Variants in SEMA3D observed in about 807,000 individuals in gnomAD.
SEMA3D encodes the protein semaphorin 3D.
Under a neutral mutation model 100.1 loss-of-function variants are expected in SEMA3D, and 84 were observed. The observed-to-expected ratio is 0.84, with a 90% CI of 0.70 to 1.01. SEMA3D has a LOEUF of 1.01. SEMA3D is among the 50% of genes least tolerant of loss of function. The pLI is 0.00. For missense variants in SEMA3D, 875 were observed against 934.1 expected, an observed-to-expected ratio of 0.94 and a Z score of 0.82; for synonymous variants, 312 against 320.7, an observed-to-expected ratio of 0.97 and a Z score of 0.29.
intron 17 of SEMA3D, among the ~76,000 whole-genome samples, chr7:85,011,863 T>C (rs1789962015): frequency 6.6e-6 from 1 of 151,778 alleles, no homozygotes; most frequent in Non-Finnish European, 1.5e-5. Context: ...TTATAGATTA[T>C]GAAATTTGGG....
rs1395406002 is a variant in SEMA3D at position 85,082,682 on chromosome 7, A to C, written c.313-1103T>G. On this transcript the variant is annotated intron_variant, in intron 4 of 18. Transcript: ENST00000284136. ...ATTAACAAAGGATTTAGAAGTCATC[A>C]ATGTTTATATGATATTATCTTTGTG... is the stretch of plus-strand genomic sequence containing the variant. 3.3e-5 allele frequency among the ~76,000 whole-genome samples: 5 copies of C among 152,228 alleles called. No individual in the cohort carries two copies. In the South Asian group the frequency reaches 1.0e-3, roughly 31 times the overall value.
intron 9 of SEMA3D, among the ~76,000 whole-genome samples, chr7:85,053,803 C>T (rs1180243129): frequency 6.6e-6 from 1 of 151,920 alleles, no homozygotes; most frequent in Non-Finnish European, 1.5e-5. Context: ...TAATGAAGAA[C>T]CTCTTTTTTT....
At chr7:85,097,539 A>G (rs1788598207) in intron 4 of SEMA3D, among the ~76,000 whole-genome samples, 1 of 151,846 alleles carries the variant, frequency 6.6e-6, no homozygotes, top group Non-Finnish European at 1.5e-5. Context: ...CCTAGTGTAT[A>G]TTAACTAATT....
chr7:85,064,916 C>G (rs1395245304), intron 8 of SEMA3D, among the ~76,000 whole-genome samples: 1 of 152,074 alleles, frequency 6.6e-6, no homozygotes, highest in Non-Finnish European at 1.5e-5. Flanking sequence ...AGAGAAATGT[C>G]TTAACCCAAG....
At chr7:85,198,844 T>TC in the SEMA3D span, among the ~76,000 whole-genome samples, 1 of 150,784 alleles carries the variant, frequency 6.6e-6, no homozygotes, top group East Asian at 1.9e-4. Context: ...TTTTTTTTTT[T>TC]CAAGGGTTTT....
intron 2 of SEMA3D, chr7:85,141,811 C>T: frequency 1.3e-6 from 1 of 765,432 alleles, no homozygotes; most frequent in Non-Finnish European, 1.6e-6. Flanking sequence ...AGTGTAACCC[C>T]TACTAATAAC....
At chr7:85,230,649 T>C in the SEMA3D span, among the ~76,000 whole-genome samples, 1 of 152,190 alleles carries the variant, frequency 6.6e-6, no homozygotes, top group Non-Finnish European at 1.5e-5. Context: ...CTCATTTACT[T>C]TGAATTTTAA....
chr7:85,208,659 T>C, the SEMA3D span, among the ~76,000 whole-genome samples: 1 of 151,960 alleles, frequency 6.6e-6, no homozygotes, highest in African/African-American at 2.4e-5. Context: ...ACTAGTAACT[T>C]TGAGGAAATG....
intron 5 of SEMA3D, among the ~76,000 whole-genome samples, chr7:85,080,256 G>A (rs151318290): frequency 3.9e-5 from 6 of 152,220 alleles, no homozygotes; most frequent in Admixed American, 6.5e-5. Context: ...CATAAGGACA[G>A]ATATGATGAG....
At chr7:85,143,726 A>T (rs1407540892) in intron 2 of SEMA3D, among the ~76,000 whole-genome samples, 3 of 147,048 alleles carry the variant, frequency 2.0e-5, no homozygotes, top group African/African-American at 7.5e-5. Context: ...GAGACATGTA[A>T]TTTTTTTTTT....
At chr7:85,075,435 A>C (rs921699042) in intron 5 of SEMA3D, among the ~76,000 whole-genome samples, 4 of 151,832 alleles carry the variant, frequency 2.6e-5, no homozygotes, top group East Asian at 1.9e-4. Flanking sequence ...AAAAAAAAAA[A>C]AAACCTCTGA....
chr7:85,027,122 G>A (rs564247897), intron 12 of SEMA3D, among the ~76,000 whole-genome samples: 20 of 152,202 alleles, frequency 1.3e-4, no homozygotes, highest in Admixed American at 5.9e-4. Context: ...GCCTTGATAT[G>A]TTAGAGTAAA....
chr7:85,117,127 A>C lies in SEMA3D; in HGVS notation c.151+4614T>G, dbSNP rs1325333825. The stretch of plus-strand genomic sequence containing the variant: ...AAGCTACGTATAAAAAGGCAATGAA[A>C]CTTCCTCTTTGTTTGTTTAAATATA... On this transcript the variant is annotated intron_variant, in intron 3 of 18. Transcript: ENST00000284136. Among the ~76,000 whole-genome samples the C allele has an allele frequency of 3.3e-5, 5 of 152,258 alleles. No homozygotes were observed. In the East Asian group the frequency reaches 7.7e-4, roughly 24 times the overall value.
chr7:85,087,549 T>TTAATAATTAAACAATTATTAAACAATTAA (rs1243216804), intron 4 of SEMA3D, among the ~76,000 whole-genome samples: 1 of 152,192 alleles, frequency 6.6e-6, no homozygotes, highest in Non-Finnish European at 1.5e-5. Flanking sequence ...TATTAAACAA[T>TTAATAATTAAACAATTATTAAACAATTAA]ACTTGCAAAT....
At chr7:85,055,280 C>T (rs994997436) in intron 9 of SEMA3D, among the ~76,000 whole-genome samples, 2 of 152,010 alleles carry the variant, frequency 1.3e-5, no homozygotes, top group African/African-American at 4.8e-5. Context: ...AAGTTACTTT[C>T]ATTTAGATTA....
intron 2 of SEMA3D, among the ~76,000 whole-genome samples, chr7:85,139,289 A>G (rs1404930177): frequency 1.3e-5 from 2 of 152,142 alleles, no homozygotes; most frequent in African/African-American, 4.8e-5. Context: ...CAGCAGAGCC[A>G]CTGGGTTAAA....
chr7:85,047,310 A>G (rs1791037492), intron 9 of SEMA3D, among the ~76,000 whole-genome samples: 1 of 151,896 alleles, frequency 6.6e-6, no homozygotes, highest in Non-Finnish European at 1.5e-5. Flanking sequence ...TAGGTAGATC[A>G]GACCTAAAGC....
chr7:85,076,458 T>C lies in SEMA3D; in HGVS notation c.376-3377A>G, dbSNP rs73179846. On this transcript the variant is annotated intron_variant, in intron 5 of 18. Coordinates refer to ENST00000284136, the MANE Select transcript of SEMA3D (RefSeq NM_001384900.1). ...ATATATTAGTCTATGCATTAACACTTAGAATTTTAGTTTCTCCCCAGATAC... is the reference window on the plus strand; with the variant it reads ...ATATATTAGTCTATGCATTAACACTCAGAATTTTAGTTTCTCCCCAGATAC... Among the ~76,000 whole-genome samples, 688 of 152,292 alleles carry C rather than the reference T, an allele frequency of 4.5e-3. 5 individuals carry two copies. Among genetic ancestry groups the C allele is most frequent in the Non-Finnish European group, 6.8e-3 (464 of 68,026 alleles).
the SEMA3D span, among the ~76,000 whole-genome samples, chr7:85,217,935 A>T: frequency 6.6e-6 from 1 of 152,118 alleles, no homozygotes; most frequent in Admixed American, 6.6e-5. Context: ...ATTTTCAATT[A>T]TCAATTGCAA....
Sources: gnomAD v4.1 joint callset for allele counts (sites outside exome capture counted in the v4.1 genomes callset) on GRCh38, gnomAD v4.1.1 for gene constraint, MANE v1.5 for transcripts, NCBI Gene and HGNC (gene_info 2026-07-23, HGNC 2026-07-21) for gene names.